The following COL4A6 variants were observed in gnomAD, a reference collection of about 807,000 sequenced individuals.
COL4A6 encodes collagen type IV alpha 6 chain, also known as collagen alpha-6(IV) chain.
A neutral mutation model predicts 126.7 loss-of-function variants in COL4A6; 59 were observed. The ratio of observed to expected loss-of-function variants is 0.47; its 90% confidence interval spans 0.38 to 0.58. The LOEUF (loss-of-function observed/expected upper bound fraction) is 0.58. COL4A6 is among the 20% of genes least tolerant of loss of function. The pLI is 0.00. For synonymous variants in COL4A6, 547 were observed against 496.6 expected (o/e 1.10, Z -1.35); for missense variants, 1,285 against 1,337.3 (o/e 0.96, Z 0.61).
chrX:108,232,599 CTTGAA>C (rs1356784628), intron 3 of COL4A6, among the ~76,000 whole-genome samples: 20 of 112,087 alleles, frequency 1.8e-4, no homozygotes, highest in African/African-American at 5.5e-4. Context: ...TTCTAGCAAA[CTTGAA>C]TTGATGTCAC....
chrX:108,438,527 A>G, upstream of COL4A6: 2 of 912,430 alleles, frequency 2.2e-6, no homozygotes, highest in Non-Finnish European at 2.8e-6. Flanking sequence ...TCTCACTTTC[A>G]GGCACCTTTC....
rs553634681 is a variant in COL4A6 at position 108,291,022 on chromosome X, C to G, written c.144+19726G>C. 1.4e-4 allele frequency among the ~76,000 whole-genome samples: 16 copies of G among 112,271 alleles called. No individual in the cohort carries two copies. In the South Asian group the frequency reaches 6.0e-3, roughly 42 times the overall value. ...CATTTCCAGTGTTAGCACATTAAGT[C>G]CCATGTCTTGGGAAAGCCCTCAGTC... On this transcript the variant is annotated intron_variant, in intron 3 of 44. Coordinates refer to ENST00000334504, the MANE Select transcript of COL4A6 (RefSeq NM_033641.4).
intron 3 of COL4A6, among the ~76,000 whole-genome samples, chrX:108,270,313 C>A (rs768269474): frequency 1.2e-4 from 13 of 112,725 alleles, no homozygotes; most frequent in Non-Finnish European, 1.9e-5. Flanking sequence ...TGGGTTCAAT[C>A]ATGTAACTTG....
rs2038742206 is a variant in COL4A6, at chrX:108,310,775, A to G, written c.117T>C (p.Cys39=). ...PCGGQDCSGS[C]QCFPEKGARG... ...TCGCTCCTTTCTCAGGAAAACACTGACAGCTCCCACTGCAGTCCTGGCCCC... is the reference window on the plus strand; with the variant it reads ...TCGCTCCTTTCTCAGGAAAACACTGGCAGCTCCCACTGCAGTCCTGGCCCC... The change falls in exon 3 of 45, where the codon TGT becomes TGC. Residue 39 remains cysteine, a synonymous_variant. Transcript: ENST00000334504. 3.3e-6 allele frequency: 4 copies of G among 1,208,976 alleles called. No homozygotes were observed. The Admixed American group carries it at 8.7e-5, about 26-fold the overall frequency.
intron 3 of COL4A6, among the ~76,000 whole-genome samples, chrX:108,304,517 TAA>T (rs1347807526): frequency 8.1e-5 from 9 of 111,454 alleles, no homozygotes; most frequent in Non-Finnish European, 1.7e-4. Flanking sequence ...TGCAAAAGGT[TAA>T]GAGGTTTTTA....
At chrX:108,237,910 G>C (rs867596500) in intron 3 of COL4A6, among the ~76,000 whole-genome samples, 2 of 93,595 alleles carry the variant, frequency 2.1e-5, no homozygotes, top group African/African-American at 4.0e-5. Context: ...ATCTATCTAT[G>C]TATCATTTAT....
At chrX:108,194,413 T>A in intron 16 of COL4A6, 121 bp downstream of exon 16, 1 of 710,271 alleles carries the variant, frequency 1.4e-6, no homozygotes, top group South Asian at 2.9e-5. Context: ...CATGCATTTC[T>A]TAAGAAAAAA....
chrX:108,224,459 T>A (rs2036108793), intron 3 of COL4A6, among the ~76,000 whole-genome samples: 1 of 111,744 alleles, frequency 8.9e-6, no homozygotes, highest in Non-Finnish European at 1.9e-5. Context: ...GTTTGAAACC[T>A]CTCACATTGA....
chrX:108,294,166 G>T (rs1452527693), intron 3 of COL4A6, among the ~76,000 whole-genome samples: 1 of 111,879 alleles, frequency 8.9e-6, no homozygotes, highest in Non-Finnish European at 1.9e-5. Flanking sequence ...GGAAACTGAG[G>T]CTTACAGGGG....
At chrX:108,283,163 TA>T (rs1421645513) in intron 3 of COL4A6, among the ~76,000 whole-genome samples, 1 of 108,572 alleles carries the variant, frequency 9.2e-6, no homozygotes. Flanking sequence ...TAAAATAAAA[TA>T]AAAAAATAAA....
At position 108,309,801 on chromosome X, in the gene COL4A6, AACACACACACACACAC is replaced by A. The variant is rs4036315; in HGVS notation, c.144+931_144+946del. ...CTGTAGGATGGCCATTAATCCTGGA[AACACACACACACACAC>A]ACACACACACACACACACACACACA... On this transcript the variant is annotated intron_variant, in intron 3 of 44. Coordinates refer to ENST00000334504, the MANE Select transcript of COL4A6 (RefSeq NM_033641.4). Among the ~76,000 whole-genome samples, 298 of 80,895 alleles carry A rather than the reference AACACACACACACACAC, an allele frequency of 3.7e-3. 3 individuals carry two copies. The highest frequency in any genetic ancestry group is 0.012 in the African/African-American group (257 of 21,727). 70.2% of individuals were successfully genotyped at this position (80,895 alleles called of 115,157 possible).
intron 2 of COL4A6, among the ~76,000 whole-genome samples, chrX:108,351,658 G>A (rs1333344637): frequency 9.0e-6 from 1 of 111,227 alleles, no homozygotes; most frequent in Non-Finnish European, 1.9e-5. Context: ...TGATTTTAAA[G>A]TCAGATGTTT....
intron 2 of COL4A6, among the ~76,000 whole-genome samples, chrX:108,318,887 GC>G (rs2038950882): frequency 8.9e-6 from 1 of 112,491 alleles, no homozygotes; most frequent in Admixed American, 9.4e-5. Flanking sequence ...TTTCCAAGCT[GC>G]TTTTGTCTAG....
At chrX:108,283,590 G>C (rs887113890) in intron 3 of COL4A6, among the ~76,000 whole-genome samples, 2 of 3,611 alleles carry the variant, frequency 5.5e-4, no homozygotes, top group African/African-American at 6.5e-4. Context: ...TTTTTTTTTG[G>C]GGGGGGGTTG....
At chrX:108,277,510 C>T (rs759637375) in intron 3 of COL4A6, among the ~76,000 whole-genome samples, 31 of 112,603 alleles carry the variant, frequency 2.8e-4, no homozygotes, top group African/African-American at 1.0e-3. Flanking sequence ...GTGGAGCCCA[C>T]CACAGCTCAA....
At chrX:108,170,541 A>G in intron 35 of COL4A6, 68 bp downstream of exon 35, 1 of 876,535 alleles carries the variant, frequency 1.1e-6, no homozygotes, top group Non-Finnish European at 1.7e-6. Flanking sequence ...ATCTTCTAAG[A>G]TAAAGTAGTT....
rs149487871 is a variant in COL4A6, at chrX:108,158,848, T to C, written c.4812+614A>G. 8.8e-4 allele frequency among the ~76,000 whole-genome samples: 99 copies of C among 112,164 alleles called. 1 individual carries two copies. The highest frequency in any genetic ancestry group is 2.9e-3 in the African/African-American group (91 of 30,904). On this transcript the variant is annotated intron_variant, in intron 44 of 44. Coordinates refer to ENST00000334504, the MANE Select transcript of COL4A6 (RefSeq NM_033641.4). ...TTTTATTTGAAGAAACATCCCCAGG[T>C]ATTCACAGGATATTATGTGAGGGAC...
chrX:108,226,734 T>C (rs1028177454), intron 3 of COL4A6, among the ~76,000 whole-genome samples: 8 of 111,545 alleles, frequency 7.2e-5, no homozygotes, highest in African/African-American at 1.6e-4. Flanking sequence ...ATTCATAAAG[T>C]TGATGAAGCC....
chrX:108,313,544 C>T (rs2038811768), intron 2 of COL4A6, among the ~76,000 whole-genome samples: 1 of 110,792 alleles, frequency 9.0e-6, no homozygotes, highest in African/African-American at 3.3e-5. Context: ...GGTACATGTG[C>T]ACAACGTGCA....
Sources: allele counts gnomAD v4.1 joint callset (sites outside exome capture counted in the v4.1 genomes callset), GRCh38; gene constraint gnomAD v4.1.1; transcripts MANE v1.5; gene names NCBI Gene and HGNC (gene_info 2026-07-23, HGNC 2026-07-21).